CCDC18: variants seen among roughly 807,000 people sequenced by gnomAD.
CCDC18 encodes the protein coiled-coil domain-containing protein 18.
Under a neutral mutation model 196.0 loss-of-function variants are expected in CCDC18, and 157 were observed. The observed-to-expected ratio is 0.80, with a 90% CI of 0.70 to 0.91. The LOEUF is 0.91. Among genes scored for constraint, CCDC18 ranks in the 40% least tolerant of loss-of-function variants. CCDC18 has a pLI of 0.00. For missense variants in CCDC18, 1,465 were observed against 1,611.6 expected, an observed-to-expected ratio of 0.91 and a Z score of 1.56; for synonymous variants, 482 against 529.2, an observed-to-expected ratio of 0.91 and a Z score of 1.22.
rs60656837 is a variant in CCDC18, at chr1:93,219,175, CT to C, written c.1962+1310del. On this transcript the variant is annotated intron_variant, in intron 14 of 28. Transcript: ENST00000690025. ...TGCCTTCCACCTACAAATTTAATGCCTTTTCTATTTTAACTAAGCACTTACG... is the reference window on the plus strand; with the variant it reads ...TGCCTTCCACCTACAAATTTAATGCCTTTCTATTTTAACTAAGCACTTACG... 4.5e-3 allele frequency among the ~76,000 whole-genome samples: 683 copies of C among 152,174 alleles called. 2 individuals are homozygous for C. Among genetic ancestry groups the C allele is most frequent in the African/African-American group, 0.016 (666 of 41,504 alleles).
intron 14 of CCDC18, among the ~76,000 whole-genome samples, chr1:93,221,397 TG>T (rs1657412604): frequency 6.6e-6 from 1 of 152,192 alleles, no homozygotes; most frequent in African/African-American, 2.4e-5. Flanking sequence ...GCTTTTTTTT[TG>T]TATGTTTGTT....
At chr1:93,181,502 G>A (rs745937851) in intron 1 of CCDC18, among the ~76,000 whole-genome samples, 29 of 152,120 alleles carry the variant, frequency 1.9e-4, no homozygotes, top group Admixed American at 1.8e-3. Flanking sequence ...CCTTTTTTGG[G>A]TAACTACTGT....
intron 16 of CCDC18, among the ~76,000 whole-genome samples, chr1:93,224,491 A>G (rs1198094119): frequency 1.3e-5 from 2 of 152,238 alleles, no homozygotes; most frequent in Non-Finnish European, 2.9e-5. Context: ...TCTGTGAACT[A>G]GCAGCATCAG....
In CCDC18 at chr1:93,260,360, C is replaced by T. The variant is rs968885385; in HGVS notation, c.3684+1475C>T. ...GATCGCGCCATTGCAGTCAAGTCTG[C>T]GTGACAAGAGTGAAACTCCGTCTCA... is the stretch of plus-strand genomic sequence containing the variant. On this transcript the variant is annotated intron_variant, in intron 26 of 28. Transcript: ENST00000690025. 2.0e-5 allele frequency among the ~76,000 whole-genome samples: 3 copies of T among 151,954 alleles called. No individual in the cohort carries two copies. The South Asian group carries it at 6.2e-4, about 32-fold the overall frequency.
At chr1:93,213,032 G>T (rs918160032) in intron 11 of CCDC18, among the ~76,000 whole-genome samples, 1 of 152,158 alleles carries the variant, frequency 6.6e-6, no homozygotes, top group Non-Finnish European at 1.5e-5. Context: ...CGCATGTGCA[G>T]TTCATAATAG....
chr1:93,207,841 T>C (rs190869270), intron 9 of CCDC18, among the ~76,000 whole-genome samples: 46 of 152,360 alleles, frequency 3.0e-4, no homozygotes, highest in African/African-American at 1.1e-3. Context: ...TTTTTGCATC[T>C]GTAGATTTGT....
In CCDC18 at chr1:93,264,803, G is replaced by A. The variant is rs767285157; in HGVS notation, c.3787G>A (p.Glu1263Lys). The A allele has an allele frequency of 6.2e-7, 1 of 1,613,326 alleles. No homozygotes were observed. Among genetic ancestry groups the A allele is most frequent in the South Asian group, 1.1e-5 (1 of 91,028 alleles). The stretch of plus-strand genomic sequence containing the variant: ...CGAACAGTTAGAGAAGGCAAAATTG[G>A]AATTAGAAGAAGCTCAGGATACTGT... ...LNEQLEKAKL[E>K]LEEAQDTVSN... is the part of the protein sequence containing the mutation. Residue 1263 changes from glutamate (E) to lysine (K), a missense_variant, in exon 27 of 29, where the codon GAA becomes AAA. By Grantham distance (56) the Glu-to-Lys change is moderately conservative. Transcript: ENST00000690025.
chr1:93,208,669 A>T (rs797675), intron 9 of CCDC18, among the ~76,000 whole-genome samples: 75,651 of 149,036 alleles, frequency 0.51, 22,252 homozygotes, highest in South Asian at 0.68. Flanking sequence ...AGAACTTAAA[A>T]TTTTTTTTCT....
At chr1:93,242,963 C>T (rs762008614) in intron 21 of CCDC18, among the ~76,000 whole-genome samples, 36 of 152,218 alleles carry the variant, frequency 2.4e-4, no homozygotes, top group South Asian at 4.1e-4. Context: ...CTGCTTCCAC[C>T]GGCTGGCATT....
chr1:93,197,941 C>T (rs1240225228), intron 6 of CCDC18, among the ~76,000 whole-genome samples: 5 of 151,554 alleles, frequency 3.3e-5, no homozygotes, highest in Admixed American at 6.6e-5. Flanking sequence ...TTAGTAGAGA[C>T]GGGGTTTCTC....
chr1:93,265,329 G>T (rs1325856455), intron 27 of CCDC18, among the ~76,000 whole-genome samples: 1 of 152,088 alleles, frequency 6.6e-6, no homozygotes, highest in Non-Finnish European at 1.5e-5. Flanking sequence ...AGCCATGAAG[G>T]CATCATTATA....
At chr1:93,221,201 GCCACACTGCCTT>G (rs1313323295) in intron 14 of CCDC18, among the ~76,000 whole-genome samples, 2 of 152,146 alleles carry the variant, frequency 1.3e-5, no homozygotes, top group African/African-American at 4.8e-5. Context: ...TTGAGGAAAT[GCCACACTGCCTT>G]CCACAATGGT....
intron 28 of CCDC18, chr1:93,271,527 G>C (rs1432191974): frequency 1.5e-5 from 15 of 985,030 alleles, no homozygotes; most frequent in Non-Finnish European, 1.8e-5. Flanking sequence ...TTCATTTCCA[G>C]ACATCTTAAA....
At chr1:93,184,985 A>G (rs888634005) in intron 3 of CCDC18, among the ~76,000 whole-genome samples, 3 of 151,988 alleles carry the variant, frequency 2.0e-5, no homozygotes, top group Admixed American at 2.0e-4. Context: ...CAATAATGAT[A>G]ATGCCGATCA....
At chr1:93,268,544 A>G (rs991764348) in intron 27 of CCDC18, among the ~76,000 whole-genome samples, 6 of 151,324 alleles carry the variant, frequency 4.0e-5, no homozygotes, top group African/African-American at 1.5e-4. Context: ...ACAAAGGGCT[A>G]ATATCCAGAA....
intron 9 of CCDC18, among the ~76,000 whole-genome samples, chr1:93,207,692 G>A (rs1037332186): frequency 6.6e-6 from 1 of 151,944 alleles, no homozygotes; most frequent in Non-Finnish European, 1.5e-5. Flanking sequence ...ACTAATCTAT[G>A]ATTTTTAGTA....
chr1:93,181,564 G>A (rs912460683), intron 1 of CCDC18, among the ~76,000 whole-genome samples: 32 of 152,124 alleles, frequency 2.1e-4, no homozygotes, highest in Non-Finnish European at 8.8e-5. Context: ...CTAGGAAAAT[G>A]AAAACATTTT....
At chr1:93,216,533 C>T (rs2783505) in intron 12 of CCDC18, 103 bp from the exon 13 acceptor site, 57,358 of 543,272 alleles carry the variant, frequency 0.11, 4,170 homozygotes, top group East Asian at 0.29. Flanking sequence ...TTTACCTAGA[C>T]ACAATGTATT....
chr1:93,250,418 A>G (rs887093274), intron 23 of CCDC18, among the ~76,000 whole-genome samples: 3 of 151,812 alleles, frequency 2.0e-5, no homozygotes, highest in Non-Finnish European at 4.4e-5. Flanking sequence ...AAAAAAAAGA[A>G]TATGTATTCA....
Sources: allele counts gnomAD v4.1 joint callset (sites outside exome capture counted in the v4.1 genomes callset), GRCh38; gene constraint gnomAD v4.1.1; transcripts MANE v1.5; gene names NCBI Gene and HGNC (gene_info 2026-07-23, HGNC 2026-07-21).